PDXDC1: variants seen among roughly 807,000 people sequenced by gnomAD.
PDXDC1 encodes pyridoxal-dependent decarboxylase domain-containing protein 1.
A neutral mutation model predicts 100.1 loss-of-function variants in PDXDC1; 42 were observed. The ratio of observed to expected loss-of-function variants is 0.42; its 90% confidence interval spans 0.33 to 0.54. The LOEUF (loss-of-function observed/expected upper bound fraction) is 0.54. Among genes scored for constraint, PDXDC1 ranks in the 20% least tolerant of loss-of-function variants. The probability of loss-of-function intolerance (pLI) is 0.10; values close to 1 mark genes in which losing one functional copy is unlikely to be tolerated. For missense variants in PDXDC1, 636 were observed against 979.2 expected (o/e 0.65, Z 4.68); for synonymous variants, 260 against 371.7 (o/e 0.70, Z 3.46).
intron 16 of PDXDC1, among the ~76,000 whole-genome samples, chr16:15,054,097 A>C (rs72774845): frequency 0.31 from 46,414 of 152,042 alleles, 7,585 homozygotes; most frequent in Admixed American, 0.45. Context: ...ACTGGCCAGG[A>C]CACCCACCCA....
intron 16 of PDXDC1, among the ~76,000 whole-genome samples, chr16:15,097,938 C>CTTTTTTTTTT (rs35852184): frequency 1.1e-5 from 1 of 89,632 alleles, no homozygotes; most frequent in Non-Finnish European, 2.0e-5. Flanking sequence ...CAACATTATG[C>CTTTTTTTTTT]TTTTTTTTTT....
At chr16:15,061,644 G>T in intron 16 of PDXDC1, 1 of 1,196,018 alleles carries the variant, frequency 8.4e-7, no homozygotes, top group Non-Finnish European at 1.2e-6. Flanking sequence ...ACTCGCTCTA[G>T]TTCAATGCCA....
At chr16:14,995,353 GGTT>G (rs1282018391) in intron 1 of PDXDC1, among the ~76,000 whole-genome samples, 1 of 152,294 alleles carries the variant, frequency 6.6e-6, no homozygotes, top group Non-Finnish European at 1.5e-5. Context: ...TAGCATGAAG[GGTT>G]GTTGAATTTT....
At chr16:15,005,975 A>G (rs1427199017) in intron 5 of PDXDC1, among the ~76,000 whole-genome samples, 7 of 152,290 alleles carry the variant, frequency 4.6e-5, no homozygotes, top group Non-Finnish European at 8.8e-5. Context: ...GGCGTGAGCC[A>G]CCACACCCAG....
At position 15,110,479 on chromosome 16, in the gene PDXDC1, C is replaced by T. The variant is rs767278579; in HGVS notation, c.1400-28400C>T. 5.7e-6 allele frequency: 9 copies of T among 1,587,566 alleles called. 1 individual carries two copies. In the South Asian group the frequency reaches 1.0e-4, roughly 18 times the overall value. On this transcript the variant is annotated intron_variant, in intron 16 of 16. Transcript: ENST00000535621. Reference sequence around the variant, plus strand: ...GACGGTTGACTTTTGTTGTCACCTTCATCTTACGGATTTTAGCTCGAACCT... The same window carrying T: ...GACGGTTGACTTTTGTTGTCACCTTTATCTTACGGATTTTAGCTCGAACCT...
chr16:15,111,652 G>A lies in PDXDC1; in HGVS notation c.1400-27227G>A, dbSNP rs1445656083. Among the ~76,000 whole-genome samples, 15 of 143,974 alleles carry A rather than the reference G, an allele frequency of 1.0e-4. 1 individual carries two copies. The highest frequency in any genetic ancestry group is 6.9e-4 in the South Asian group (3 of 4,378). The allele number at this position is 143,974 out of a possible 152,430, so 94.5% of individuals were successfully genotyped here. A position where few individuals can be genotyped will look rare whatever the true frequency, so the allele number is the denominator to read the frequency against. ...GCACGCCTGTAGTCCCAGCTACTCC[G>A]GAGGCTGAGGCAGGAGAACTGCTTG... On this transcript the variant is annotated intron_variant, in intron 16 of 16. Coordinates refer to the PDXDC1 transcript ENST00000535621.
chr16:15,103,378 C>A (rs1424156226), intron 16 of PDXDC1: 1 of 617,456 alleles, frequency 1.6e-6, no homozygotes, highest in Non-Finnish European at 2.8e-6. Flanking sequence ...CAGCACCATG[C>A]CACCCACCCC....
Position 15,032,914 on chromosome 16 carries a change from A to G in PDXDC1, c.1625A>G (p.Glu542Gly), listed in dbSNP as rs2043153942. 1 of 1,612,450 alleles carries G rather than the reference A, an allele frequency of 6.2e-7. No individual in the cohort carries two copies. Residue 542 changes from glutamate (E) to glycine (G), a missense_variant, in exon 18 of 23, where the codon GAA becomes GGA. Physicochemically the swap from Glu to Gly is moderately conservative, Grantham distance 98. Coordinates refer to ENST00000396410, the MANE Select transcript of PDXDC1 (RefSeq NM_015027.4). Reference protein sequence around the residue: ...KSSLKSDPEGENIHAGLLKKL... With the variant: ...KSSLKSDPEGGNIHAGLLKKL... ...AGTTTGAAATCAGATCCCGAAGGGGAAAACATCCATGCTGGACTCCTGAAG... is the reference window on the plus strand; with the variant it reads ...AGTTTGAAATCAGATCCCGAAGGGGGAAACATCCATGCTGGACTCCTGAAG...
chr16:15,058,499 GA>G (rs981248138), intron 16 of PDXDC1, among the ~76,000 whole-genome samples: 3 of 152,166 alleles, frequency 2.0e-5, no homozygotes, highest in African/African-American at 4.8e-5. Context: ...GGCCGAGGCG[GA>G]CAGATTGCTT....
chr16:14,983,899 A>C (rs1283108246), intron 1 of PDXDC1, among the ~76,000 whole-genome samples: 2 of 152,248 alleles, frequency 1.3e-5, no homozygotes, highest in Non-Finnish European at 2.9e-5. Context: ...GCAGTGGCTC[A>C]CACCTGTAAT....
At chr16:15,014,689 C>T (rs541356750) in intron 8 of PDXDC1, among the ~76,000 whole-genome samples, 7 of 152,376 alleles carry the variant, frequency 4.6e-5, no homozygotes, top group African/African-American at 9.6e-5. Context: ...TTGTTGAGGC[C>T]GTTGGTGAGT....
At chr16:14,981,391 A>G (rs1373800298) in intron 1 of PDXDC1, among the ~76,000 whole-genome samples, 5 of 152,298 alleles carry the variant, frequency 3.3e-5, no homozygotes, top group African/African-American at 4.8e-5. Flanking sequence ...GGCAAAAACA[A>G]ACAGTGCCTG....
At chr16:15,007,012 C>G (rs1211205411) in intron 6 of PDXDC1, among the ~76,000 whole-genome samples, 1 of 152,282 alleles carries the variant, frequency 6.6e-6, no homozygotes, top group Admixed American at 6.5e-5. Context: ...CTCTTGCTTT[C>G]TGTGACCATT....
intron 16 of PDXDC1, among the ~76,000 whole-genome samples, chr16:15,043,986 A>G (rs1448755195): frequency 2.0e-5 from 3 of 152,194 alleles, no homozygotes; most frequent in African/African-American, 7.2e-5. Flanking sequence ...CTAATAGGGA[A>G]AAAATGGTAT....
At chr16:14,998,296 G>C in intron 2 of PDXDC1, 44 bp from the exon 3 acceptor site, 1 of 1,589,520 alleles carries the variant, frequency 6.3e-7, no homozygotes, top group Non-Finnish European at 8.6e-7. Flanking sequence ...TAGAAATTTG[G>C]TATGATGAAA....
chr16:15,135,172 A>T (rs2048289418), intron 16 of PDXDC1: 2 of 858,506 alleles, frequency 2.3e-6, no homozygotes, highest in Non-Finnish European at 3.8e-6. Flanking sequence ...TCAGAAACAG[A>T]GAGGGAAGAG....
chr16:15,083,888 G>T (rs1016449831), intron 16 of PDXDC1: 11 of 284,292 alleles, frequency 3.9e-5, no homozygotes, highest in Non-Finnish European at 5.4e-5. Context: ...AGCTAATTTT[G>T]TATTTTTAGT....
Position 15,052,011 on chromosome 16 carries a change from TA to T in PDXDC1, c.1399+21967del, listed in dbSNP as rs879576261. ...TATGCTCTAGACACTAATATTTGCT[TA>T]AAAAAAAAAAAGCTTTTCCCTCAGT... On this transcript the variant is annotated intron_variant, in intron 16 of 16. Coordinates refer to the PDXDC1 transcript ENST00000535621. Among the ~76,000 whole-genome samples the T allele has an allele frequency of 5.6e-3, 804 of 142,850 alleles. 3 individuals carry two copies. Among genetic ancestry groups the T allele is most frequent in the Middle Eastern group, 0.021 (6 of 280 alleles). 93.7% of individuals were successfully genotyped at this position (142,850 alleles called of 152,430 possible).
chr16:15,081,079 G>C (rs2045684592), intron 16 of PDXDC1, among the ~76,000 whole-genome samples: 1 of 152,140 alleles, frequency 6.6e-6, no homozygotes, highest in African/African-American at 2.4e-5. Context: ...TTTCATTGCT[G>C]AGTAATATTC....
Sources: gnomAD v4.1 joint callset for allele counts (sites outside exome capture counted in the v4.1 genomes callset) on GRCh38, gnomAD v4.1.1 for gene constraint, MANE v1.5 for transcripts, NCBI Gene and HGNC (gene_info 2026-07-23, HGNC 2026-07-21) for gene names.